The following MEF2C variants were observed in gnomAD, a reference collection of about 807,000 sequenced individuals.
MEF2C encodes the protein myocyte enhancer factor 2C, also known as myocyte-specific enhancer factor 2C.
In MEF2C, 6 loss-of-function variants were observed where a neutral mutation model predicts 50.5. That is an observed-to-expected ratio of 0.12 (90% confidence interval 0.07 to 0.23). MEF2C has a LOEUF of 0.23. Ranked by LOEUF, MEF2C falls within the 10% of genes least tolerant of loss-of-function variation. The pLI is 1.00. For synonymous variants in MEF2C, 183 were observed against 228.0 expected, an observed-to-expected ratio of 0.80 and a Z score of 1.78; for missense variants, 276 against 605.0, an observed-to-expected ratio of 0.46 and a Z score of 5.70.
intron 1 of MEF2C, among the ~76,000 whole-genome samples, chr5:88,836,885 G>A (rs985063709): frequency 1.3e-5 from 2 of 151,712 alleles, no homozygotes; most frequent in African/African-American, 2.4e-5. Context: ...AAGCACTCTC[G>A]GGTGGAGGCA....
chr5:88,813,239 G>T (rs1803660467), intron 2 of MEF2C, among the ~76,000 whole-genome samples: 1 of 151,988 alleles, frequency 6.6e-6, no homozygotes, highest in African/African-American at 2.4e-5. Context: ...TTCAGAAAAT[G>T]GGAAGAATTT....
At chr5:88,822,462 C>A (rs75354923) in intron 2 of MEF2C, among the ~76,000 whole-genome samples, 1 of 151,910 alleles carries the variant, frequency 6.6e-6, no homozygotes, top group African/African-American at 2.4e-5. Flanking sequence ...GTATTATTCA[C>A]CCTCTAGCTA....
chr5:88,781,174 A>T (rs956379188), intron 3 of MEF2C, among the ~76,000 whole-genome samples: 25 of 152,256 alleles, frequency 1.6e-4, no homozygotes, highest in Admixed American at 1.6e-3. Flanking sequence ...AGAAATATAC[A>T]TACATTATAT....
At chr5:88,725,176 A>G (rs559152680) in intron 10 of MEF2C, among the ~76,000 whole-genome samples, 1 of 152,232 alleles carries the variant, frequency 6.6e-6, no homozygotes, top group Non-Finnish European at 1.5e-5. Context: ...TTAGCTGTGT[A>G]TCTTCCCCAT....
chr5:88,768,612 C>A lies in MEF2C; in HGVS notation c.259-7284G>T, dbSNP rs1781033775. 3.5e-6 allele frequency: 3 copies of A among 861,588 alleles called. No homozygotes were observed. In the Admixed American group the frequency reaches 1.9e-4, roughly 54 times the overall value. 53.4% of individuals were successfully genotyped at this position (861,588 alleles called of 1,614,324 possible). On this transcript the variant is annotated intron_variant, in intron 3 of 10. Coordinates refer to ENST00000504921, the MANE Select transcript of MEF2C (RefSeq NM_002397.5). Reference sequence around the variant, plus strand: ...CACCAGAACTTAGCACAAGGCCTGGCAAGTGGTCGGAACTTACTAGATATT... The same window carrying A: ...CACCAGAACTTAGCACAAGGCCTGGAAAGTGGTCGGAACTTACTAGATATT...
chr5:88,733,531 T>C, intron 6 of MEF2C: 3 of 985,360 alleles, frequency 3.0e-6, no homozygotes, highest in Non-Finnish European at 2.4e-6. Flanking sequence ...ACTACTTTGA[T>C]GGCCTGAGAT....
At chr5:88,774,589 G>C (rs1783960855) in intron 3 of MEF2C, among the ~76,000 whole-genome samples, 2 of 152,028 alleles carry the variant, frequency 1.3e-5, no homozygotes, top group Non-Finnish European at 2.9e-5. Flanking sequence ...CCCAAAGTAA[G>C]TTTCTACCTT....
Position 88,845,626 on chromosome 5 carries a change from A to G in MEF2C, c.-142-21696T>C, listed in dbSNP as rs180914889. 7.9e-4 allele frequency among the ~76,000 whole-genome samples: 121 copies of G among 152,342 alleles called. 1 individual carries two copies. Among genetic ancestry groups the G allele is most frequent in the Non-Finnish European group, 1.2e-3 (85 of 68,032 alleles). On this transcript the variant is annotated intron_variant, in intron 1 of 10. Coordinates refer to ENST00000504921, the MANE Select transcript of MEF2C (RefSeq NM_002397.5). ...ATAAGCTTATCTAAAGTAGGAAACA[A>G]GCAATAATGCATATGAGTCTTCTAT... is the stretch of plus-strand genomic sequence containing the variant.
intron 1 of MEF2C, among the ~76,000 whole-genome samples, chr5:88,902,133 T>A (rs1468736873): frequency 1.3e-5 from 2 of 151,812 alleles, no homozygotes; most frequent in African/African-American, 4.8e-5. Context: ...TGTTTAGGAA[T>A]ATAGTATTTA....
At chr5:88,798,910 G>A (rs1350219999) in intron 3 of MEF2C, among the ~76,000 whole-genome samples, 1 of 152,172 alleles carries the variant, frequency 6.6e-6, no homozygotes, top group East Asian at 1.9e-4. Context: ...CTCTGCTGCA[G>A]GTCTGCTGGA....
chr5:88,848,810 T>C (rs1198948937), intron 1 of MEF2C, among the ~76,000 whole-genome samples: 1 of 152,186 alleles, frequency 6.6e-6, no homozygotes, highest in Non-Finnish European at 1.5e-5. Context: ...TAGTATGTGT[T>C]CTTGGATGAC....
intron 6 of MEF2C, chr5:88,733,237 G>C (rs1297557860): frequency 3.0e-6 from 3 of 985,292 alleles, no homozygotes; most frequent in Non-Finnish European, 3.6e-6. Flanking sequence ...CTGGGCAGTA[G>C]GAAAGGGCTG....
chr5:88,759,015 G>C (rs918774198), intron 4 of MEF2C, among the ~76,000 whole-genome samples: 1 of 152,230 alleles, frequency 6.6e-6, no homozygotes, highest in Non-Finnish European at 1.5e-5. Context: ...CTTCCATTGA[G>C]TGATCAGCAG....
chr5:88,730,675 C>T (rs1027782663), intron 7 of MEF2C, among the ~76,000 whole-genome samples: 18 of 152,118 alleles, frequency 1.2e-4, no homozygotes, highest in Non-Finnish European at 2.6e-4. Flanking sequence ...GCCCACACTG[C>T]TTGGCTGTAG....
chr5:88,752,562 A>T (rs966014873), intron 4 of MEF2C: 4 of 955,212 alleles, frequency 4.2e-6, no homozygotes, highest in Non-Finnish European at 5.0e-6. Flanking sequence ...TTTAAAAGTA[A>T]CTCTAAAGAT....
At chr5:88,733,717 C>A in intron 6 of MEF2C, 1 of 985,220 alleles carries the variant, frequency 1.0e-6, no homozygotes, top group Non-Finnish European at 1.2e-6. Context: ...GAATATATAA[C>A]AAATAACTAC....
At chr5:88,794,044 T>C (rs754607519) in intron 3 of MEF2C, among the ~76,000 whole-genome samples, 6 of 152,226 alleles carry the variant, frequency 3.9e-5, no homozygotes, top group South Asian at 2.1e-4. Context: ...CAGTCTATCA[T>C]TGATGGACAT....
chr5:88,734,121 C>G, intron 6 of MEF2C: 1 of 983,754 alleles, frequency 1.0e-6, no homozygotes, highest in Non-Finnish European at 1.2e-6. Flanking sequence ...AATATGTCAT[C>G]CTGAATCATT....
chr5:88,739,770 T>G, intron 6 of MEF2C: 1 of 984,948 alleles, frequency 1.0e-6, no homozygotes. Flanking sequence ...TTACATTGAA[T>G]AGCTCTAAGA....
Sources: gnomAD v4.1 joint callset for allele counts (sites outside exome capture counted in the v4.1 genomes callset) on GRCh38, gnomAD v4.1.1 for gene constraint, MANE v1.5 for transcripts, NCBI Gene and HGNC (gene_info 2026-07-23, HGNC 2026-07-21) for gene names.